The following SUPT3H variants were observed in gnomAD, a reference collection of about 807,000 sequenced individuals.
SUPT3H encodes the protein transcription initiation protein SPT3 homolog.
SUPT3H carries 44 observed loss-of-function variants against 44.3 expected under a neutral mutation model. The ratio of observed to expected loss-of-function variants is 0.99; its 90% CI spans 0.78 to 1.28. SUPT3H has a LOEUF of 1.28. Among genes scored for constraint, SUPT3H ranks in the 50% most tolerant of loss-of-function variants. The pLI, the probability that SUPT3H is intolerant of heterozygous loss-of-function variation, is 0.00. For synonymous variants in SUPT3H, 124 were observed against 125.6 expected (o/e 0.99, Z 0.09); for missense variants, 380 against 387.1 (o/e 0.98, Z 0.15).
intron 10 of SUPT3H, among the ~76,000 whole-genome samples, chr6:44,870,636 G>C (rs898449781): frequency 6.6e-6 from 1 of 151,644 alleles, no homozygotes; most frequent in Non-Finnish European, 1.5e-5. Flanking sequence ...GAAAAAGAAG[G>C]GGGAGGAGCC....
chr6:45,327,205 CTCTG>C (rs578035448), intron 2 of SUPT3H, among the ~76,000 whole-genome samples: 174 of 152,032 alleles, frequency 1.1e-3, no homozygotes, highest in African/African-American at 3.6e-3. Context: ...GACTAACATA[CTCTG>C]TCTGTGGGCA....
chr6:45,296,797 T>A (rs1584774306), intron 2 of SUPT3H, among the ~76,000 whole-genome samples: 1 of 134,710 alleles, frequency 7.4e-6, no homozygotes, highest in Non-Finnish European at 1.6e-5. Context: ...TCTGCTCAGG[T>A]GATGGGTGCA....
At chr6:45,303,671 T>TAAAAAAAAAAAAAAAAA (rs36119324) in intron 2 of SUPT3H, among the ~76,000 whole-genome samples, 10 of 112,912 alleles carry the variant, frequency 8.9e-5, no homozygotes, top group East Asian at 2.4e-4. Context: ...ATTCTAGAAG[T>TAAAAAAAAAAAAAAAAA]AAAAAAAAAA....
chr6:45,141,503 A>T (rs1409246047), intron 2 of SUPT3H, among the ~76,000 whole-genome samples: 1 of 151,976 alleles, frequency 6.6e-6, no homozygotes, highest in Non-Finnish European at 1.5e-5. Context: ...GAAAAGAAAA[A>T]AAATCATTAA....
rs34256293 is a variant in SUPT3H at position 45,253,848 on chromosome 6, CATATATATATAT to C, written c.101+111341_101+111352del. 1.9e-4 allele frequency among the ~76,000 whole-genome samples: 17 copies of C among 88,764 alleles called. 1 individual carries two copies. Among genetic ancestry groups the C allele is most frequent in the South Asian group, 8.3e-4 (2 of 2,412 alleles). 58.2% of individuals were successfully genotyped at this position (88,764 alleles called of 152,430 possible). On this transcript the variant is annotated intron_variant, in intron 2 of 10. Transcript: ENST00000371459. ...AAAAATACACACGTACACATATACGCATATATATATATATATATATATATACACACACACAGT... is the reference window on the plus strand; with the variant it reads ...AAAAATACACACGTACACATATACGCATATATATATATACACACACACAGT...
At chr6:45,114,967 C>T (rs1047298053) in intron 2 of SUPT3H, among the ~76,000 whole-genome samples, 8 of 152,146 alleles carry the variant, frequency 5.3e-5, no homozygotes, top group African/African-American at 9.7e-5. Flanking sequence ...TACAACAACA[C>T]GCTAAATGAA....
chr6:44,896,298 G>A (rs1764121839), intron 10 of SUPT3H, among the ~76,000 whole-genome samples: 2 of 152,098 alleles, frequency 1.3e-5, no homozygotes, highest in South Asian at 2.1e-4. Flanking sequence ...TTCCTCATCT[G>A]CAAAATCATC....
chr6:45,293,492 C>G (rs1347881226), intron 2 of SUPT3H, among the ~76,000 whole-genome samples: 1 of 150,480 alleles, frequency 6.6e-6, no homozygotes, highest in Non-Finnish European at 1.5e-5. Flanking sequence ...AAGATCAGAG[C>G]AGAACTAAAC....
chr6:45,327,104 C>A (rs1786482206), intron 2 of SUPT3H, among the ~76,000 whole-genome samples: 1 of 151,908 alleles, frequency 6.6e-6, no homozygotes, highest in Admixed American at 6.6e-5. Flanking sequence ...AAAATGAGTT[C>A]TATACATACT....
chr6:44,961,003 C>T (rs1775944982), intron 7 of SUPT3H, among the ~76,000 whole-genome samples: 1 of 152,102 alleles, frequency 6.6e-6, no homozygotes. Context: ...TCTATAATCC[C>T]TCAGACCATG....
chr6:44,849,837 C>T (rs1772581343), intron 10 of SUPT3H, among the ~76,000 whole-genome samples: 1 of 152,142 alleles, frequency 6.6e-6, no homozygotes, highest in Admixed American at 6.5e-5. Flanking sequence ...AGATGTATGG[C>T]CTGAGTACAA....
chr6:45,142,650 C>T (rs935249117), intron 2 of SUPT3H, among the ~76,000 whole-genome samples: 3 of 138,410 alleles, frequency 2.2e-5, no homozygotes, highest in African/African-American at 5.5e-5. Flanking sequence ...GCAGGAGAAT[C>T]GCTTGATCCT....
At chr6:44,900,798 C>G (rs898529089) in intron 10 of SUPT3H, among the ~76,000 whole-genome samples, 3 of 152,176 alleles carry the variant, frequency 2.0e-5, no homozygotes, top group Admixed American at 6.5e-5. Context: ...ACACCTCACA[C>G]GGCCGGGTAC....
intron 2 of SUPT3H, among the ~76,000 whole-genome samples, chr6:45,357,581 C>A (rs1793474622): frequency 6.6e-6 from 1 of 152,066 alleles, no homozygotes; most frequent in African/African-American, 2.4e-5. Context: ...CTGACGTCAG[C>A]CCCTCAAAAG....
intron 2 of SUPT3H, among the ~76,000 whole-genome samples, chr6:45,360,504 C>T (rs978454239): frequency 6.6e-6 from 1 of 152,092 alleles, no homozygotes; most frequent in Non-Finnish European, 1.5e-5. Context: ...GCTTAAAAAC[C>T]CATCTACTAA....
intron 2 of SUPT3H, among the ~76,000 whole-genome samples, chr6:45,257,903 T>C (rs1418937221): frequency 6.6e-6 from 1 of 152,218 alleles, no homozygotes; most frequent in Non-Finnish European, 1.5e-5. Flanking sequence ...TATTTTTGCA[T>C]TGGTCTAATA....
intron 2 of SUPT3H, among the ~76,000 whole-genome samples, chr6:45,120,540 A>C (rs1273890997): frequency 2.0e-5 from 3 of 151,968 alleles, no homozygotes; most frequent in African/African-American, 7.2e-5. Flanking sequence ...AGTGTGGTAC[A>C]TGCAGAAATG....
chr6:45,356,151 CA>C (rs1793125709), intron 2 of SUPT3H, among the ~76,000 whole-genome samples: 1 of 151,902 alleles, frequency 6.6e-6, no homozygotes, highest in Admixed American at 6.6e-5. Context: ...AATGTTATGC[CA>C]ATTAGAAAAC....
intron 7 of SUPT3H, chr6:44,955,326 T>C (rs1257068115): frequency 1.3e-5 from 2 of 152,502 alleles, no homozygotes; most frequent in South Asian, 2.1e-4. Flanking sequence ...TGGGGAAAGT[T>C]CTCAGCCCTG....
Sources: gnomAD v4.1 joint callset for allele counts (sites outside exome capture counted in the v4.1 genomes callset) on GRCh38, gnomAD v4.1.1 for gene constraint, MANE v1.5 for transcripts, NCBI Gene and HGNC (gene_info 2026-07-23, HGNC 2026-07-21) for gene names.